Variants in CLIP2 observed in about 807,000 individuals in gnomAD.
CLIP2 encodes CAP-Gly domain containing linker protein 2.
In CLIP2, 41 loss-of-function variants were observed where a neutral mutation model predicts 111.7. The observed-to-expected ratio is 0.37, with a 90% confidence interval of 0.29 to 0.48. CLIP2 has a LOEUF of 0.48. CLIP2 is among the 20% of genes least tolerant of loss of function. The pLI is 0.99. For synonymous variants in CLIP2, 660 were observed against 644.2 expected, an observed-to-expected ratio of 1.02 and a Z score of -0.37; for missense variants, 1,160 against 1,422.1, an observed-to-expected ratio of 0.82 and a Z score of 2.96.
intron 1 of CLIP2, among the ~76,000 whole-genome samples, chr7:74,300,281 C>T (rs1409418793): frequency 1.3e-5 from 2 of 152,062 alleles, no homozygotes; most frequent in African/African-American, 4.8e-5. Flanking sequence ...GCCCCCACAC[C>T]CAGCCTCTTC....
chr7:74,292,894 A>G (rs1401674183), intron 1 of CLIP2, among the ~76,000 whole-genome samples: 1 of 152,204 alleles, frequency 6.6e-6, no homozygotes, highest in African/African-American at 2.4e-5. Context: ...TCCCTGAACA[A>G]TTATGATTCT....
At chr7:74,360,036 G>A in intron 6 of CLIP2, 139 bp from the exon 7 acceptor site, 1 of 641,190 alleles carries the variant, frequency 1.6e-6, no homozygotes, top group Non-Finnish European at 2.7e-6. Context: ...CACTGTGCAT[G>A]CCCGGCAGGT....
chr7:74,312,643 C>T lies in CLIP2; in HGVS notation c.-67-4837C>T, dbSNP rs148508346. Among the ~76,000 whole-genome samples the T allele has an allele frequency of 6.6e-5, 10 of 152,262 alleles. No homozygotes were observed. In the East Asian group the frequency reaches 1.4e-3, roughly 21 times the overall value. On this transcript the variant is annotated intron_variant, in intron 1 of 16. Coordinates refer to ENST00000223398, the MANE Select transcript of CLIP2 (RefSeq NM_003388.5). The stretch of plus-strand genomic sequence containing the variant: ...CACCAGGAGGGCCAGGTTCTGAGGA[C>T]GAAGGGAGCAGCCTTGTACCCCAGC...
In CLIP2 at chr7:74,326,539, C is replaced by T. The variant is rs534647782; in HGVS notation, c.121+8872C>T. 1.3e-4 allele frequency among the ~76,000 whole-genome samples: 20 copies of T among 152,232 alleles called. No individual in the cohort carries two copies. The East Asian group carries it at 1.7e-3, about 13-fold the overall frequency. On this transcript the variant is annotated intron_variant, in intron 2 of 16. Transcript: ENST00000223398. ...GACAAGTATGTGTGGGAGTGTTACC[C>T]ACCCTTAGACGGGGAGTTGGGCTAT...
At chr7:74,342,742 C>T (rs544380338) in intron 3 of CLIP2, among the ~76,000 whole-genome samples, 76 of 152,230 alleles carry the variant, frequency 5.0e-4, no homozygotes, top group Non-Finnish European at 1.8e-4. Flanking sequence ...GGTGAAACCT[C>T]ACCTCTACTG....
At chr7:74,329,147 C>T (rs926571668) in intron 2 of CLIP2, among the ~76,000 whole-genome samples, 7 of 138,436 alleles carry the variant, frequency 5.1e-5, no homozygotes, top group South Asian at 2.3e-4. Flanking sequence ...AGGATTGTCT[C>T]GATCTCCTGA....
intron 16 of CLIP2, 87 bp from the exon 17 acceptor site, chr7:74,403,750 A>G (rs782316592): frequency 1.2e-5 from 17 of 1,434,876 alleles, no homozygotes; most frequent in Admixed American, 1.2e-4. Flanking sequence ...CCCGGCCCCA[A>G]CTCCTTTCCT....
chr7:74,344,391 GT>G (rs1228020504), intron 3 of CLIP2, among the ~76,000 whole-genome samples: 44 of 151,616 alleles, frequency 2.9e-4, no homozygotes, highest in African/African-American at 1.0e-3. Flanking sequence ...GCCTAGCATG[GT>G]TTTTTTTGAG....
intron 13 of CLIP2, among the ~76,000 whole-genome samples, chr7:74,390,012 C>T (rs1261545158): frequency 6.7e-6 from 1 of 148,868 alleles, no homozygotes; most frequent in Non-Finnish European, 1.5e-5. Flanking sequence ...TCTCTTGAGC[C>T]CAGGAGTTCG....
In CLIP2 at chr7:74,332,777, G is replaced by A. The variant is rs782747456; in HGVS notation, c.122-5671G>A. 7.2e-4 allele frequency among the ~76,000 whole-genome samples: 110 copies of A among 152,132 alleles called. 1 individual carries two copies. Among genetic ancestry groups the A allele is most frequent in the East Asian group, 5.8e-4 (3 of 5,180 alleles). ...CATTTTGGGTTCCTTCCTCAGTTAC[G>A]CACATGGCGTGGCAAGCTGAATTGT... is the stretch of plus-strand genomic sequence containing the variant. On this transcript the variant is annotated intron_variant, in intron 2 of 16. Transcript: ENST00000223398.
At chr7:74,396,668 T>G (rs1242056569) in intron 13 of CLIP2, among the ~76,000 whole-genome samples, 3 of 152,020 alleles carry the variant, frequency 2.0e-5, no homozygotes, top group South Asian at 2.1e-4. Context: ...TTACAGGCAC[T>G]TACCACCACG....
At position 74,353,952 on chromosome 7, in the gene CLIP2, G is replaced by A. The variant is rs535427245; in HGVS notation, c.751G>A (p.Val251Met). Residue 251 changes from valine (V) to methionine (M), a missense_variant, in exon 4 of 17, where the codon GTG becomes ATG. Transcript: ENST00000223398. Reference sequence around the variant, plus strand: ...CTTTGCCAAGGGCGAGTGGTGTGGCGTGGAGCTGGACGAGCCCCTTGGGAA... The same window carrying A: ...CTTTGCCAAGGGCGAGTGGTGTGGCATGGAGCTGGACGAGCCCCTTGGGAA... ...TDFAKGEWCG[V>M]ELDEPLGKND... is the part of the protein sequence containing the mutation. 1.7e-5 allele frequency: 27 copies of A among 1,614,168 alleles called. No individual in the cohort carries two copies. Among genetic ancestry groups the A allele is most frequent in the East Asian group, 4.5e-5 (2 of 44,878 alleles).
intron 11 of CLIP2, among the ~76,000 whole-genome samples, chr7:74,382,193 C>T (rs1449291707): frequency 6.6e-6 from 1 of 151,248 alleles, no homozygotes; most frequent in Non-Finnish European, 1.5e-5. Context: ...AAGCAATTCT[C>T]CTGCCTCAGC....
Position 74,360,249 on chromosome 7 carries a change from C to T in CLIP2, c.1290C>T (p.Asp430=), listed in dbSNP as rs1554309466. The change falls in exon 7 of 17, where the codon GAC becomes GAT. Residue 430 remains aspartate (D), a synonymous_variant. Coordinates refer to ENST00000223398, the MANE Select transcript of CLIP2 (RefSeq NM_003388.5). ...LVESVRKEKV[D]LSNQLEEERR... The stretch of plus-strand genomic sequence containing the variant: ...AGAGCGTGCGGAAAGAGAAGGTGGA[C>T]CTGTCCAACCAGCTGGAGGAGGAGA... The T allele has an allele frequency of 6.2e-7, 1 of 1,604,766 alleles. No individual in the cohort carries two copies.
intron 13 of CLIP2, among the ~76,000 whole-genome samples, chr7:74,393,855 C>G (rs1001852737): frequency 6.6e-6 from 1 of 152,222 alleles, no homozygotes; most frequent in African/African-American, 2.4e-5. Context: ...ACACTGCCCT[C>G]TGCAGATGCA....
chr7:74,389,162 C>A lies in CLIP2; in HGVS notation c.2623C>A (p.Arg875=), dbSNP rs373010706. The A allele has an allele frequency of 6.2e-7, 1 of 1,613,616 alleles. No individual in the cohort carries two copies. The highest frequency in any genetic ancestry group is 1.1e-5 in the South Asian group (1 of 91,038). Residue 875 remains arginine, a synonymous_variant, in exon 13 of 17, where the codon CGG becomes AGG. Coordinates refer to ENST00000223398, the MANE Select transcript of CLIP2 (RefSeq NM_003388.5). ...GGTGGACGCCCTCCTGAAGGAGAAGCGGCGCCTGGAGGCAGAGCTGGAGAC... is the reference window on the plus strand; with the variant it reads ...GGTGGACGCCCTCCTGAAGGAGAAGAGGCGCCTGGAGGCAGAGCTGGAGAC... The part of the protein sequence containing the change: ...KKVDALLKEK[R]RLEAELETVS...
At chr7:74,310,749 T>A (rs1788622150) in intron 1 of CLIP2, among the ~76,000 whole-genome samples, 1 of 151,930 alleles carries the variant, frequency 6.6e-6, no homozygotes, top group South Asian at 2.1e-4. Context: ...TCTCACTTTG[T>A]CATCCAGGCT....
intron 3 of CLIP2, among the ~76,000 whole-genome samples, chr7:74,350,569 T>TA (rs1562703524): frequency 6.6e-6 from 1 of 151,390 alleles, no homozygotes; most frequent in African/African-American, 2.4e-5. Context: ...TTACCTCCAT[T>TA]AAAAAAAAGA....
In CLIP2 at chr7:74,404,628, C is replaced by T. The variant is rs539895975; in HGVS notation, c.*780C>T. 1.3e-5 allele frequency: 2 copies of T among 152,792 alleles called. No homozygotes were observed. Among genetic ancestry groups the T allele is most frequent in the Admixed American group, 1.3e-4 (2 of 15,298 alleles). 9.5% of individuals were successfully genotyped at this position (152,792 alleles called of 1,614,324 possible). On this transcript the variant is annotated 3_prime_UTR_variant, in exon 17 of 17. Coordinates refer to ENST00000223398, the MANE Select transcript of CLIP2 (RefSeq NM_003388.5). Reference sequence around the variant, plus strand: ...CCTCACCTCCCACCGTGACCTTGGGCAAACCCTGGCTCGGAGCCCAGGGCA... The same window carrying T: ...CCTCACCTCCCACCGTGACCTTGGGTAAACCCTGGCTCGGAGCCCAGGGCA...
Sources: allele counts gnomAD v4.1 joint callset (sites outside exome capture counted in the v4.1 genomes callset), GRCh38; gene constraint gnomAD v4.1.1; transcripts MANE v1.5; gene names NCBI Gene and HGNC (gene_info 2026-07-23, HGNC 2026-07-21).